Variants in CLTCL1 observed in about 807,000 individuals in gnomAD.
CLTCL1 encodes the protein clathrin heavy chain like 1.
CLTCL1 carries 159 observed loss-of-function variants against 190.0 expected under a neutral mutation model. The ratio of observed to expected loss-of-function variants is 0.84; its 90% CI spans 0.74 to 0.95. The LOEUF is 0.95. Among genes scored for constraint, CLTCL1 ranks in the 40% least tolerant of loss-of-function variants. The pLI is 0.00. For synonymous variants in CLTCL1, 752 were observed against 769.6 expected (o/e 0.98, Z 0.38); for missense variants, 1,878 against 2,033.4 (o/e 0.92, Z 1.47).
At chr22:19,275,256 C>T (rs958326238) in intron 2 of CLTCL1, among the ~76,000 whole-genome samples, 2 of 152,130 alleles carry the variant, frequency 1.3e-5, no homozygotes, top group Non-Finnish European at 2.9e-5. Context: ...GGAAAACCCC[C>T]GAGCCTGTGT....
intron 30 of CLTCL1, chr22:19,181,299 C>T (rs374928657): frequency 1.9e-5 from 3 of 159,784 alleles, no homozygotes. Flanking sequence ...CTGAGAAGCA[C>T]TGAGGACAAA....
intron 2 of CLTCL1, among the ~76,000 whole-genome samples, chr22:19,263,101 A>C (rs1555976328): frequency 6.6e-6 from 1 of 151,660 alleles, no homozygotes; most frequent in African/African-American, 2.4e-5. Context: ...AGGAATAAAT[A>C]AATAGATTAT....
intron 22 of CLTCL1, among the ~76,000 whole-genome samples, chr22:19,207,850 A>C (rs1378748397): frequency 6.6e-6 from 1 of 151,874 alleles, no homozygotes; most frequent in African/African-American, 2.4e-5. Context: ...CACTGTCTCC[A>C]TCATCCCCAG....
chr22:19,253,599 T>TA (rs1399607141), intron 3 of CLTCL1, among the ~76,000 whole-genome samples: 1 of 152,220 alleles, frequency 6.6e-6, no homozygotes, highest in Non-Finnish European at 1.5e-5. Flanking sequence ...CAGTAGTAGT[T>TA]AATAGGCCAA....
At chr22:19,229,357 T>C (rs1403061885) in intron 11 of CLTCL1, among the ~76,000 whole-genome samples, 3 of 152,152 alleles carry the variant, frequency 2.0e-5, no homozygotes, top group Non-Finnish European at 2.9e-5. Flanking sequence ...TATTTTGTGG[T>C]TCCATGTATA....
chr22:19,192,300 C>T (rs1282521749), intron 26 of CLTCL1, among the ~76,000 whole-genome samples: 2 of 152,088 alleles, frequency 1.3e-5, no homozygotes, highest in Non-Finnish European at 2.9e-5. Context: ...CTCCTGACCT[C>T]GTGATCTCCC....
intron 1 of CLTCL1, among the ~76,000 whole-genome samples, chr22:19,291,078 G>A (rs1398952835): frequency 6.6e-6 from 1 of 152,226 alleles, no homozygotes; most frequent in Non-Finnish European, 1.5e-5. Flanking sequence ...TAAAAAGGCA[G>A]GCTTTGGGGG....
At chr22:19,258,827 CT>C in intron 2 of CLTCL1, 2 of 642,434 alleles carry the variant, frequency 3.1e-6, no homozygotes, top group South Asian at 1.6e-5. Context: ...GCAGGGTACC[CT>C]TTGGGGAGCA....
At position 19,205,442 on chromosome 22, in the gene CLTCL1, C is replaced by T. The variant is rs182424738; in HGVS notation, c.3600+2712G>A. On this transcript the variant is annotated intron_variant, in intron 22 of 32. Transcript: ENST00000427926. Reference sequence around the variant, plus strand: ...GGAGGATGGCTTGAGCTCAGGAGGTCGAGGATGCAGTGAGCTGAGATCGTG... The same window carrying T: ...GGAGGATGGCTTGAGCTCAGGAGGTTGAGGATGCAGTGAGCTGAGATCGTG... Among the ~76,000 whole-genome samples, 8 of 152,216 alleles carry T rather than the reference C, an allele frequency of 5.3e-5. No homozygotes were observed. The East Asian group carries it at 1.2e-3, about 22-fold the overall frequency.
Position 19,226,388 on chromosome 22 carries a change from G to T in CLTCL1, c.1783-5C>A. On this transcript the variant is annotated splice_region_variant and splice_polypyrimidine_tract_variant and intron_variant, in intron 11 of 32. Transcript: ENST00000427926. Reference sequence around the variant, plus strand: ...TCCAAGGATGGCATCTGCAACCTATGAAACAGGGAGTTCGGTGAGAAGCCC... The same window carrying T: ...TCCAAGGATGGCATCTGCAACCTATTAAACAGGGAGTTCGGTGAGAAGCCC... 6.2e-7 allele frequency: 1 copy of T among 1,613,924 alleles called. No homozygotes were observed. The highest frequency in any genetic ancestry group is 8.5e-7 in the Non-Finnish European group (1 of 1,179,806).
chr22:19,257,602 G>A (rs1012928622), intron 2 of CLTCL1: 13 of 403,610 alleles, frequency 3.2e-5, no homozygotes, highest in Non-Finnish European at 4.8e-5. Context: ...TACAGTACCC[G>A]GTTGATCAGC....
chr22:19,245,522 T>A (rs781843617), intron 3 of CLTCL1, among the ~76,000 whole-genome samples: 71 of 152,222 alleles, frequency 4.7e-4, no homozygotes, highest in Non-Finnish European at 8.2e-4. Context: ...GAGGTGACAT[T>A]CACAAAACAA....
At chr22:19,222,586 T>C in intron 15 of CLTCL1, 98 bp downstream of exon 15, 1 of 1,401,030 alleles carries the variant, frequency 7.1e-7, no homozygotes, top group Non-Finnish European at 9.8e-7. Flanking sequence ...AATGATAGTC[T>C]CTGAAATGTC....
chr22:19,249,631 G>A (rs992236091), intron 3 of CLTCL1, among the ~76,000 whole-genome samples: 9 of 152,048 alleles, frequency 5.9e-5, no homozygotes, highest in Non-Finnish European at 1.0e-4. Context: ...AGGAGGTGGA[G>A]GTTGCAGTGA....
rs1601486235 is a variant in CLTCL1, at chr22:19,198,365, ACTC to A, written c.3873+1366_3873+1368del. ...AGCTGCTCTTCTGGCTCCTGTCCCT[ACTC>A]CTCAAGTATGTGTCTCAGCACATGA... On this transcript the variant is annotated intron_variant, in intron 24 of 32. Coordinates refer to ENST00000427926, the MANE Select transcript of CLTCL1 (RefSeq NM_007098.4). The surrounding 1 kb of genome is among the most constrained non-coding windows in gnomAD (Gnocchi z 4.1). Among the ~76,000 whole-genome samples, 2 of 150,266 alleles carry A rather than the reference ACTC, an allele frequency of 1.3e-5. No homozygotes were observed. The highest frequency in any genetic ancestry group is 3.9e-4 in the East Asian group (2 of 5,064).
rs1601656334 is a variant in CLTCL1, at chr22:19,253,841, C to T, written c.519+118G>A. The T allele has an allele frequency of 1.6e-5, 19 of 1,222,820 alleles. No individual in the cohort carries two copies. The East Asian group carries it at 4.4e-4, about 28-fold the overall frequency. 75.7% of individuals were successfully genotyped at this position (1,222,820 alleles called of 1,614,324 possible). On this transcript the variant is annotated intron_variant, in intron 3 of 32. Transcript: ENST00000427926. ...TCGGCCTCCCAAAGTGCTGGGATTA[C>T]AGGCATGAGCCACCGCACCTGGCCC...
chr22:19,240,109 C>A (rs1222514563), intron 4 of CLTCL1, among the ~76,000 whole-genome samples: 1 of 151,848 alleles, frequency 6.6e-6, no homozygotes, highest in African/African-American at 2.4e-5. Context: ...ATGCATGCCA[C>A]CACACCCGGC....
At chr22:19,277,737 G>A (rs557568894) in intron 1 of CLTCL1, among the ~76,000 whole-genome samples, 13 of 152,150 alleles carry the variant, frequency 8.5e-5, no homozygotes, top group Admixed American at 3.9e-4. Flanking sequence ...GACTGCCAAC[G>A]CCAGATGTGG....
At chr22:19,190,907 A>G (rs4819789) in intron 27 of CLTCL1, among the ~76,000 whole-genome samples, 13,155 of 151,878 alleles carry the variant, frequency 0.087, 968 homozygotes, top group East Asian at 0.43. Context: ...CCTCCCAAGC[A>G]GCTGGGACTA....
Sources: gnomAD v4.1 joint callset for allele counts (sites outside exome capture counted in the v4.1 genomes callset) on GRCh38, gnomAD v4.1.1 for gene constraint, Gnocchi (gnomAD v3.1) non-coding constraint, MANE v1.5 for transcripts, NCBI Gene and HGNC (gene_info 2026-07-23, HGNC 2026-07-21) for gene names.